IL1RAPL1: variants seen among roughly 807,000 people sequenced by gnomAD.
IL1RAPL1 encodes interleukin-1 receptor accessory protein-like 1.
In IL1RAPL1, 3 loss-of-function variants were observed where a neutral mutation model predicts 48.4. The ratio of observed to expected loss-of-function variants is 0.06; its 90% confidence interval spans 0.03 to 0.16. IL1RAPL1 has a LOEUF of 0.16. IL1RAPL1 is among the 10% of genes least tolerant of loss of function. IL1RAPL1 has a pLI of 1.00. For missense variants in IL1RAPL1, 349 were observed against 530.6 expected (o/e 0.66, Z 3.36); for synonymous variants, 185 against 187.7 (o/e 0.99, Z 0.12).
At chrX:29,197,118 G>A (rs1399902167) in intron 2 of IL1RAPL1, among the ~76,000 whole-genome samples, 7 of 110,602 alleles carry the variant, frequency 6.3e-5, no homozygotes, top group African/African-American at 1.6e-4. Context: ...AAATATATGC[G>A]TTTTAAGTTT....
intron 5 of IL1RAPL1, among the ~76,000 whole-genome samples, chrX:29,510,412 A>G (rs187701921): frequency 8.9e-6 from 1 of 112,412 alleles, no homozygotes; most frequent in Non-Finnish European, 1.9e-5. Context: ...TTTTCCAATG[A>G]CACATTATTT....
chrX:28,680,320 A>G (rs1178013226), intron 1 of IL1RAPL1, among the ~76,000 whole-genome samples: 1 of 111,284 alleles, frequency 9.0e-6, no homozygotes, highest in Non-Finnish European at 1.9e-5. Context: ...TGTATCTTGC[A>G]ACTTTACTGA....
intron 5 of IL1RAPL1, among the ~76,000 whole-genome samples, chrX:29,533,364 A>G (rs974898000): frequency 3.1e-4 from 35 of 112,164 alleles, no homozygotes; most frequent in African/African-American, 1.0e-3. Context: ...ATCATATACC[A>G]TGTGGATTTT....
At chrX:29,227,788 A>G (rs1273406723) in intron 2 of IL1RAPL1, among the ~76,000 whole-genome samples, 2 of 111,358 alleles carry the variant, frequency 1.8e-5, no homozygotes, top group Admixed American at 9.6e-5. Flanking sequence ...ACCATTTCCT[A>G]TAATAATAGC....
chrX:29,081,063 C>T (rs1395671934), intron 2 of IL1RAPL1, among the ~76,000 whole-genome samples: 4 of 39,327 alleles, frequency 1.0e-4, no homozygotes, highest in Admixed American at 3.2e-4. Flanking sequence ...TCTTTTCTTT[C>T]TTTTTTTTTG....
At chrX:29,244,321 A>G (rs962200607) in intron 2 of IL1RAPL1, among the ~76,000 whole-genome samples, 2 of 112,123 alleles carry the variant, frequency 1.8e-5, no homozygotes, top group Non-Finnish European at 3.8e-5. Context: ...AGCCTTTTAG[A>G]TCCTTAAAAC....
At chrX:29,746,892 T>C (rs1389002071) in intron 6 of IL1RAPL1, among the ~76,000 whole-genome samples, 1 of 112,344 alleles carries the variant, frequency 8.9e-6, no homozygotes, top group African/African-American at 3.2e-5. Flanking sequence ...ACAGGCGTGA[T>C]CCGCTGCACC....
At position 29,175,707 on chromosome X, in the gene IL1RAPL1, G is replaced by A. The variant is rs1287884805; in HGVS notation, c.83-107231G>A. Among the ~76,000 whole-genome samples, 4 of 107,629 alleles carry A rather than the reference G, an allele frequency of 3.7e-5. No individual in the cohort carries two copies. The East Asian group carries it at 1.2e-3, about 32-fold the overall frequency. 93.5% of individuals were successfully genotyped at this position (107,629 alleles called of 115,157 possible). A position where few individuals can be genotyped will look rare whatever the true frequency, so the allele number is the denominator to read the frequency against. On this transcript the variant is annotated intron_variant, in intron 2 of 10. Transcript: ENST00000378993. ...CAAAAATATAAAAAATTAGCCGAGT[G>A]TGGTGGCACTCACCTGTAATCCCAG...
intron 6 of IL1RAPL1, among the ~76,000 whole-genome samples, chrX:29,908,625 T>C (rs942462712): frequency 2.7e-5 from 3 of 111,497 alleles, no homozygotes; most frequent in Non-Finnish European, 3.8e-5. Context: ...TATATTTTGT[T>C]TAAAATAACT....
At chrX:29,064,906 T>A (rs1927421880) in intron 2 of IL1RAPL1, among the ~76,000 whole-genome samples, 1 of 112,026 alleles carries the variant, frequency 8.9e-6, no homozygotes, top group Non-Finnish European at 1.9e-5. Context: ...TTTATAGAGT[T>A]TGGTGTAGTA....
At chrX:29,517,086 A>G (rs923778474) in intron 5 of IL1RAPL1, among the ~76,000 whole-genome samples, 1 of 111,154 alleles carries the variant, frequency 9.0e-6, no homozygotes, top group African/African-American at 3.3e-5. Flanking sequence ...TATGGTACCT[A>G]TGATCAAACG....
At chrX:28,611,919 A>G (rs1357305377) in intron 1 of IL1RAPL1, among the ~76,000 whole-genome samples, 5 of 112,254 alleles carry the variant, frequency 4.5e-5, no homozygotes, top group Non-Finnish European at 9.4e-5. Context: ...ACTACTACCC[A>G]TGACCCAAAT....
intron 8 of IL1RAPL1, among the ~76,000 whole-genome samples, chrX:29,940,132 G>C (rs1296440783): frequency 1.8e-5 from 2 of 110,882 alleles, no homozygotes; most frequent in Non-Finnish European, 3.8e-5. Context: ...CAAAGTGCTG[G>C]GATTACATGT....
At chrX:29,421,524 A>G (rs1934290426) in intron 5 of IL1RAPL1, among the ~76,000 whole-genome samples, 1 of 110,046 alleles carries the variant, frequency 9.1e-6, no homozygotes, top group Non-Finnish European at 1.9e-5. Flanking sequence ...AAAAACATAC[A>G]CAGGAAAAAT....
intron 3 of IL1RAPL1, among the ~76,000 whole-genome samples, chrX:29,371,949 A>G (rs149454275): frequency 0.015 from 1,669 of 112,164 alleles, 26 homozygotes; most frequent in African/African-American, 0.051. Context: ...TCCTCTGGGT[A>G]TATACCAAAT....
At chrX:29,766,435 A>C (rs1468346845) in intron 6 of IL1RAPL1, among the ~76,000 whole-genome samples, 1 of 92,781 alleles carries the variant, frequency 1.1e-5, no homozygotes, top group Non-Finnish European at 2.1e-5. Context: ...ATCCAAATAT[A>C]TATATATTTA....
chrX:29,416,581 G>C (rs768171997), intron 5 of IL1RAPL1, among the ~76,000 whole-genome samples: 2 of 111,504 alleles, frequency 1.8e-5, no homozygotes, highest in Non-Finnish European at 3.8e-5. Context: ...TCAATGATGT[G>C]CCATAATAAG....
intron 5 of IL1RAPL1, among the ~76,000 whole-genome samples, chrX:29,666,672 C>T (rs1350205862): frequency 1.8e-5 from 2 of 110,212 alleles, no homozygotes; most frequent in South Asian, 3.9e-4. Context: ...GTACTGCATA[C>T]GGGTTTTATT....
intron 2 of IL1RAPL1, among the ~76,000 whole-genome samples, chrX:28,992,489 CA>C (rs1246127181): frequency 0.031 from 507 of 16,385 alleles, 1 homozygote; most frequent in African/African-American, 0.043. Context: ...GACTCTGTCT[CA>C]AAAAAAAAAA....
Sources: allele counts gnomAD v4.1 joint callset (sites outside exome capture counted in the v4.1 genomes callset), GRCh38; gene constraint gnomAD v4.1.1; transcripts MANE v1.5; gene names NCBI Gene and HGNC (gene_info 2026-07-23, HGNC 2026-07-21).